Variants in KIRREL3 observed in about 807,000 individuals in gnomAD.
KIRREL3 encodes kin of IRRE-like protein 3.
A neutral mutation model predicts 89.7 loss-of-function variants in KIRREL3; 36 were observed. The ratio of observed to expected loss-of-function variants is 0.40; its 90% CI spans 0.31 to 0.53. The LOEUF is 0.53. Ranked by LOEUF, KIRREL3 falls within the 20% of genes least tolerant of loss-of-function variation. KIRREL3 has a pLI of 0.49. For synonymous variants in KIRREL3, 445 were observed against 441.4 expected, an observed-to-expected ratio of 1.01 and a Z score of -0.10; for missense variants, 864 against 1,056.6, an observed-to-expected ratio of 0.82 and a Z score of 2.53.
chr11:126,464,096 TG>T (rs911587155), intron 5 of KIRREL3, among the ~76,000 whole-genome samples: 3 of 152,034 alleles, frequency 2.0e-5, no homozygotes, highest in Non-Finnish European at 4.4e-5. Context: ...TGACCTTATT[TG>T]GGAATAGGGT....
At chr11:126,503,345 G>C (rs1957923565) in intron 4 of KIRREL3, among the ~76,000 whole-genome samples, 2 of 152,184 alleles carry the variant, frequency 1.3e-5, no homozygotes, top group African/African-American at 4.8e-5. Context: ...TGGCCTGGGA[G>C]CAGAGGAGGA....
chr11:126,618,526 C>T (rs1242267789), intron 1 of KIRREL3, among the ~76,000 whole-genome samples: 1 of 152,206 alleles, frequency 6.6e-6, no homozygotes, highest in African/African-American at 2.4e-5. Flanking sequence ...ACTCCGCCTC[C>T]TGGGTTCAAG....
chr11:126,585,438 G>A (rs112057881), intron 1 of KIRREL3, among the ~76,000 whole-genome samples: 2 of 151,214 alleles, frequency 1.3e-5, no homozygotes, highest in South Asian at 2.1e-4. Context: ...TTCAACCTGC[G>A]GGCCAGGCTG....
intron 1 of KIRREL3, among the ~76,000 whole-genome samples, chr11:126,595,015 C>T (rs533548179): frequency 5.6e-4 from 86 of 152,356 alleles, no homozygotes; most frequent in Non-Finnish European, 1.1e-3. Context: ...CCGTCCTGAG[C>T]GTGCCCTGAA....
chr11:126,424,344 G>A lies in KIRREL3; in HGVS notation c.*236C>T, dbSNP rs1007108725. The stretch of plus-strand genomic sequence containing the variant: ...ACGGGTGTCCAGCACTAAGCACAGC[G>A]CACTCAGCCGCAGCCTCTGTCTGTC... On this transcript the variant is annotated 3_prime_UTR_variant, in exon 17 of 17. Coordinates refer to ENST00000525144, the MANE Select transcript of KIRREL3 (RefSeq NM_032531.4). The A allele has an allele frequency of 4.5e-5, 25 of 555,094 alleles. 1 individual carries two copies. Among genetic ancestry groups the A allele is most frequent in the South Asian group, 1.4e-4 (7 of 49,008 alleles). 34.4% of individuals were successfully genotyped at this position (555,094 alleles called of 1,614,324 possible).
At chr11:126,824,521 A>C (rs1177636041) in intron 1 of KIRREL3, among the ~76,000 whole-genome samples, 8 of 152,228 alleles carry the variant, frequency 5.3e-5, no homozygotes, top group Non-Finnish European at 1.2e-4. Flanking sequence ...ATGCATGCCC[A>C]GGAAGTAGGT....
chr11:126,548,740 A>G (rs530775972), intron 2 of KIRREL3, among the ~76,000 whole-genome samples: 1 of 152,356 alleles, frequency 6.6e-6, no homozygotes, highest in South Asian at 2.1e-4. Flanking sequence ...CTCTGCGTAC[A>G]CAGTGGGTGC....
In KIRREL3 at chr11:126,569,671, G is replaced by A. The variant is rs1940780002; in HGVS notation, c.56-6759C>T. Reference sequence around the variant, plus strand: ...GGCAGCACGCAAGTTATTTCTGCATGAATGGCAATTCTTACTGCAGGAGTC... The same window carrying A: ...GGCAGCACGCAAGTTATTTCTGCATAAATGGCAATTCTTACTGCAGGAGTC... On this transcript the variant is annotated intron_variant, in intron 1 of 16. Transcript: ENST00000525144. The surrounding 1 kb of genome is among the most constrained non-coding windows in gnomAD (Gnocchi z 6.5). Among the ~76,000 whole-genome samples, 1 of 152,216 alleles carries A rather than the reference G, an allele frequency of 6.6e-6. No individual in the cohort carries two copies. The highest frequency in any genetic ancestry group is 1.5e-5 in the Non-Finnish European group (1 of 68,034).
rs183088865 is a variant in KIRREL3 at position 126,612,544 on chromosome 11, T to C, written c.56-49632A>G. 8.9e-4 allele frequency among the ~76,000 whole-genome samples: 135 copies of C among 152,354 alleles called. No individual in the cohort carries two copies. The highest frequency in any genetic ancestry group is 2.9e-3 in the African/African-American group (120 of 41,592). On this transcript the variant is annotated intron_variant, in intron 1 of 16. Transcript: ENST00000525144. The surrounding 1 kb of genome is among the most constrained non-coding windows in gnomAD (Gnocchi z 4.5). ...TCATATAACATAACATTTTCCCCTT[T>C]AAAATAGACAGTTCAGTAGTTTTAA...
At chr11:126,831,435 T>TTTTCTCTC (rs1943604202) in intron 1 of KIRREL3, among the ~76,000 whole-genome samples, 1 of 149,914 alleles carries the variant, frequency 6.7e-6, no homozygotes, top group South Asian at 2.1e-4. Flanking sequence ...CTCTCTCTCT[T>TTTTCTCTC]TCTCTCTCTC....
chr11:126,865,953 TA>T (rs1358793369), intron 1 of KIRREL3, among the ~76,000 whole-genome samples: 1 of 152,170 alleles, frequency 6.6e-6, no homozygotes, highest in Non-Finnish European at 1.5e-5. Flanking sequence ...CTGCGCTGAA[TA>T]ATACAGTAGC....
intron 5 of KIRREL3, among the ~76,000 whole-genome samples, chr11:126,464,145 G>C (rs1026268193): frequency 1.1e-4 from 17 of 152,128 alleles, no homozygotes; most frequent in South Asian, 4.2e-4. Flanking sequence ...ATTAGTTAAG[G>C]CTCTTGAGAT....
chr11:126,832,686 T>G (rs1190291916), intron 1 of KIRREL3, among the ~76,000 whole-genome samples: 1 of 152,218 alleles, frequency 6.6e-6, no homozygotes, highest in Non-Finnish European at 1.5e-5. Flanking sequence ...GAAATGGCCT[T>G]GGACTTGCAC....
rs1034723924 is a variant in KIRREL3 at position 126,566,414 on chromosome 11, C to T, written c.56-3502G>A. On this transcript the variant is annotated intron_variant, in intron 1 of 16. Transcript: ENST00000525144. This position sits in a 1 kb window ranked among gnomAD's most constrained non-coding sequence, Gnocchi z 4.9. Reference sequence around the variant, plus strand: ...CCTGCTCTGAGCCCGTAGGACCAAGCACAGTGCCTGACACATGGTAAGTGC... The same window carrying T: ...CCTGCTCTGAGCCCGTAGGACCAAGTACAGTGCCTGACACATGGTAAGTGC... Among the ~76,000 whole-genome samples, 1 of 152,212 alleles carries T rather than the reference C, an allele frequency of 6.6e-6. No homozygotes were observed. Among genetic ancestry groups the T allele is most frequent in the African/African-American group, 2.4e-5 (1 of 41,450 alleles).
intron 1 of KIRREL3, among the ~76,000 whole-genome samples, chr11:126,589,404 C>T (rs1942031950): frequency 6.6e-6 from 1 of 152,222 alleles, no homozygotes; most frequent in South Asian, 2.1e-4. Context: ...TCCAGGCAGG[C>T]AGGGCTGTGG....
intron 1 of KIRREL3, among the ~76,000 whole-genome samples, chr11:126,878,882 T>C (rs1565377399): frequency 6.6e-6 from 1 of 152,196 alleles, no homozygotes; most frequent in Non-Finnish European, 1.5e-5. Context: ...GCCACACTTC[T>C]ATTTTCGTCC....
intron 1 of KIRREL3, among the ~76,000 whole-genome samples, chr11:126,654,970 A>G (rs186515494): frequency 6.6e-6 from 1 of 152,260 alleles, no homozygotes; most frequent in African/African-American, 2.4e-5. Context: ...CCTCAACATG[A>G]TAGCTCAAAC....
At chr11:126,618,798 G>A (rs930272240) in intron 1 of KIRREL3, among the ~76,000 whole-genome samples, 1 of 152,216 alleles carries the variant, frequency 6.6e-6, no homozygotes, top group Admixed American at 6.5e-5. Context: ...AACACAAAGA[G>A]TCTTCCCAGA....
At position 126,764,219 on chromosome 11, in the gene KIRREL3, C is replaced by T. The variant is rs1246139357; in HGVS notation, c.56-201307G>A. On this transcript the variant is annotated intron_variant, in intron 1 of 16. Coordinates refer to ENST00000525144, the MANE Select transcript of KIRREL3 (RefSeq NM_032531.4). This position sits in a 1 kb window ranked among gnomAD's most constrained non-coding sequence, Gnocchi z 4.2. ...CATAACTCAGTTTTTCCTGGAAAGG[C>T]ATCAGACAGCAGGTCGCTCTGGTCA... Among the ~76,000 whole-genome samples, 1 of 152,190 alleles carries T rather than the reference C, an allele frequency of 6.6e-6. No homozygotes were observed. Among genetic ancestry groups the T allele is most frequent in the Non-Finnish European group, 1.5e-5 (1 of 68,026 alleles).
Sources: allele counts gnomAD v4.1 joint callset (sites outside exome capture counted in the v4.1 genomes callset), GRCh38; gene constraint gnomAD v4.1.1; non-coding constraint Gnocchi (gnomAD v3.1); transcripts MANE v1.5; gene names NCBI Gene and HGNC (gene_info 2026-07-23, HGNC 2026-07-21).